CDH3: variants seen among roughly 807,000 people sequenced by gnomAD.
The protein encoded by CDH3 is cadherin 3.
In CDH3, 54 loss-of-function variants were observed where a neutral mutation model predicts 82.0. The observed-to-expected ratio is 0.66, with a 90% CI of 0.53 to 0.83. CDH3 has a LOEUF of 0.83. Ranked by LOEUF, CDH3 falls within the 40% of genes least tolerant of loss-of-function variation. CDH3 has a pLI of 0.00. For synonymous variants in CDH3, 446 were observed against 437.9 expected (o/e 1.02, Z -0.23); for missense variants, 1,054 against 1,084.6 (o/e 0.97, Z 0.40).
chr16:68,667,891 A>C (rs965354392), intron 2 of CDH3, among the ~76,000 whole-genome samples: 1 of 152,024 alleles, frequency 6.6e-6, no homozygotes, highest in Non-Finnish European at 1.5e-5. Context: ...TTTTGTTGTT[A>C]ATTTCTCTTT....
rs749189312 is a variant in CDH3 at position 68,678,571 on chromosome 16, CT to C, written c.462del (p.Glu155ArgfsTer6). 3 of 1,614,078 alleles carry C rather than the reference CT, an allele frequency of 1.9e-6. No homozygotes were observed. The highest frequency in any genetic ancestry group is 2.5e-6 in the Non-Finnish European group (3 of 1,180,012). On this transcript the variant is annotated frameshift_variant, in exon 5 of 16. Transcript: ENST00000264012. LOFTEE classifies it high-confidence loss of function. ...ACGGGGCCGGGGGCAGACAGCCCCC[CT>C]GAGGGTGTCTTCGCTGTAGAGAAGG... is the stretch of plus-strand genomic sequence containing the variant. ...SITGPGADSPPEGVFAVEKET... is the reference protein window; with the variant it reads ...SITGPGADSPXEGVFAVEKET...
chr16:68,729,402 G>C (rs918943875), downstream of CDH3, among the ~76,000 whole-genome samples: 1 of 152,100 alleles, frequency 6.6e-6, no homozygotes, highest in African/African-American at 2.4e-5. Flanking sequence ...TGTAAGTCTG[G>C]AATTACATCA....
Position 68,685,316 on chromosome 16 carries a change from C to T in CDH3, c.1536C>T (p.Asn512=). ...DREDEQFVRN[N]IYEVMVLAMD... ...AGGATGAGCAGTTTGTGAGGAACAA[C>T]ATCTATGAAGTCATGGTCTTGGCCA... Residue 512 remains asparagine, a synonymous_variant, in exon 11 of 16, where the codon AAC becomes AAT. Coordinates refer to ENST00000264012, the MANE Select transcript of CDH3 (RefSeq NM_001793.6). 1 of 1,614,122 alleles carries T rather than the reference C, an allele frequency of 6.2e-7. No individual in the cohort carries two copies. Among genetic ancestry groups the T allele is most frequent in the East Asian group, 2.2e-5 (1 of 44,878 alleles).
At chr16:68,713,824 C>T (rs1962062100) in intron 1 of CDH3, among the ~76,000 whole-genome samples, 1 of 152,112 alleles carries the variant, frequency 6.6e-6, no homozygotes, top group South Asian at 2.1e-4. Flanking sequence ...TATAGGCCTT[C>T]CTGCTGCTTT....
chr16:68,698,437 C>G lies in CDH3; in HGVS notation c.*37C>G, dbSNP rs1292894267. On this transcript the variant is annotated 3_prime_UTR_variant, in exon 16 of 16. Transcript: ENST00000264012. ...GCAGGGCTGGGGACCAAACGTCAGG[C>G]CACAGAGCATCTCCAAGGGGTCTCA... is the stretch of plus-strand genomic sequence containing the variant. The G allele has an allele frequency of 4.4e-6, 7 of 1,585,264 alleles. No homozygotes were observed. In the Admixed American group the frequency reaches 1.2e-4, roughly 26 times the overall value.
rs66540234 is a variant in CDH3 at position 68,679,694 on chromosome 16, CAAAAAAAAAAAAAA to C, written c.692-94_692-81del. On this transcript the variant is annotated intron_variant, in intron 6 of 15. Coordinates refer to ENST00000264012, the MANE Select transcript of CDH3 (RefSeq NM_001793.6). ...TGGGTGATAGAGTGAGACTTCATCT[CAAAAAAAAAAAAAA>C]AAAAAAAAAAGAAAAGAAAAAAAGA... is the stretch of plus-strand genomic sequence containing the variant. 26 of 361,962 alleles carry C rather than the reference CAAAAAAAAAAAAAA, an allele frequency of 7.2e-5. No individual in the cohort carries two copies. The African/African-American group carries it at 1.1e-3, about 15-fold the overall frequency. The allele number at this position is 361,962 out of a possible 1,614,324, so 22.4% of individuals were successfully genotyped here. A position where few individuals can be genotyped will look rare whatever the true frequency, so the allele number is the denominator to read the frequency against.
chr16:68,647,793 C>T (rs1381743224), intron 2 of CDH3, among the ~76,000 whole-genome samples: 3 of 152,096 alleles, frequency 2.0e-5, no homozygotes, highest in Non-Finnish European at 4.4e-5. Context: ...AGTTCCTCAT[C>T]CTCAAAACAT....
chr16:68,658,509 A>G (rs1016396343), intron 2 of CDH3, among the ~76,000 whole-genome samples: 6 of 152,126 alleles, frequency 3.9e-5, no homozygotes, highest in Non-Finnish European at 4.4e-5. Flanking sequence ...GAGAGGGCCC[A>G]GGTGGAGGGT....
At chr16:68,691,612 C>A in intron 12 of CDH3, 108 bp from the exon 13 acceptor site, 1 of 852,274 alleles carries the variant, frequency 1.2e-6, no homozygotes, top group Non-Finnish European at 2.0e-6. Context: ...TGGAGTATTT[C>A]TCTGCATTGC....
chr16:68,663,882 T>C (rs980212885), intron 2 of CDH3, among the ~76,000 whole-genome samples: 18 of 152,094 alleles, frequency 1.2e-4, no homozygotes, highest in African/African-American at 4.1e-4. Flanking sequence ...TAGTTACATA[T>C]GTATACATGT....
chr16:68,702,689 A>AC (rs1219772739), downstream of CDH3, among the ~76,000 whole-genome samples: 3 of 151,750 alleles, frequency 2.0e-5, no homozygotes, highest in Non-Finnish European at 2.9e-5. Context: ...ACATGGTGAA[A>AC]CCCCGTCTCT....
intron 2 of CDH3, among the ~76,000 whole-genome samples, chr16:68,652,450 A>T (rs553776718): frequency 6.6e-6 from 1 of 152,306 alleles, no homozygotes; most frequent in African/African-American, 2.4e-5. Flanking sequence ...TTCTAGGGCC[A>T]GAAACTATAC....
intron 2 of CDH3, among the ~76,000 whole-genome samples, chr16:68,726,236 G>A (rs1962217651): frequency 6.6e-6 from 1 of 152,044 alleles, no homozygotes; most frequent in South Asian, 2.1e-4. Context: ...GGGGATGATT[G>A]TGTCTGCTCT....
intron 13 of CDH3, among the ~76,000 whole-genome samples, chr16:68,693,864 G>C (rs913888696): frequency 6.6e-6 from 1 of 152,176 alleles, no homozygotes; most frequent in Admixed American, 6.5e-5. Flanking sequence ...AGGCATGAGA[G>C]AGAAGGCAGC....
At chr16:68,645,784 G>A in intron 2 of CDH3, 34 bp downstream of exon 2, 2 of 1,484,162 alleles carry the variant, frequency 1.3e-6, no homozygotes, top group Non-Finnish European at 1.8e-6. Flanking sequence ...CAGGGTAGGG[G>A]CCGCACGTGA....
chr16:68,712,838 T>C (rs954245370), intron 1 of CDH3, among the ~76,000 whole-genome samples: 2 of 152,122 alleles, frequency 1.3e-5, no homozygotes, highest in African/African-American at 2.4e-5. Context: ...TGTGCCACCA[T>C]GCCCAGCTAA....
chr16:68,711,125 A>G (rs1292574459), intron 1 of CDH3, among the ~76,000 whole-genome samples: 1 of 151,858 alleles, frequency 6.6e-6, no homozygotes, highest in African/African-American at 2.4e-5. Context: ...AGCCTGACCA[A>G]CATGGAGAAA....
intron 1 of CDH3, among the ~76,000 whole-genome samples, chr16:68,713,770 G>A (rs1962061505): frequency 6.6e-6 from 1 of 152,004 alleles, no homozygotes; most frequent in African/African-American, 2.4e-5. Context: ...CGCTCCCCAG[G>A]TACAGACCAC....
intron 2 of CDH3, among the ~76,000 whole-genome samples, chr16:68,654,497 G>T (rs1960354023): frequency 7.8e-6 from 1 of 128,338 alleles, no homozygotes; most frequent in Non-Finnish European, 1.6e-5. Flanking sequence ...GAGGTCAAGA[G>T]TTCGAGACCA....
Sources: gnomAD v4.1 joint callset for allele counts (sites outside exome capture counted in the v4.1 genomes callset) on GRCh38, gnomAD v4.1.1 for gene constraint, MANE v1.5 for transcripts, NCBI Gene and HGNC (gene_info 2026-07-23, HGNC 2026-07-21) for gene names.